PANK4: variants seen among roughly 807,000 people sequenced by gnomAD.
PANK4 encodes pantothenate kinase 4 (inactive).
A neutral mutation model predicts 87.9 loss-of-function variants in PANK4; 40 were observed. The ratio of observed to expected loss-of-function variants is 0.46; its 90% CI spans 0.35 to 0.59. The LOEUF is 0.59. Ranked by LOEUF, PANK4 falls within the 20% of genes least tolerant of loss-of-function variation. PANK4 has a pLI of 0.00. For synonymous variants in PANK4, 524 were observed against 467.4 expected (o/e 1.12, Z -1.56); for missense variants, 926 against 1,072.3 (o/e 0.86, Z 1.90).
chr1:2,522,336 C>T (rs1643882034), intron 1 of PANK4, among the ~76,000 whole-genome samples: 1 of 152,180 alleles, frequency 6.6e-6, no homozygotes. Context: ...TGAGAGGCTC[C>T]AGGCAGAAAA....
At chr1:2,517,501 G>A (rs758663588) in intron 9 of PANK4, among the ~76,000 whole-genome samples, 6 of 152,374 alleles carry the variant, frequency 3.9e-5, no homozygotes, top group African/African-American at 7.2e-5. Context: ...GGGGGGGCAC[G>A]GTCGAGGACC....
Position 2,520,520 on chromosome 1 carries a change from C to CA in PANK4, c.607-107dup. 4 of 1,076,814 alleles carry CA rather than the reference C, an allele frequency of 3.7e-6. No homozygotes were observed. Among genetic ancestry groups the CA allele is most frequent in the Non-Finnish European group, 5.4e-6 (4 of 737,520 alleles). 66.7% of individuals were successfully genotyped at this position (1,076,814 alleles called of 1,614,324 possible). A position where few individuals can be genotyped will look rare whatever the true frequency, so the allele number is the denominator to read the frequency against. Reference sequence around the variant, plus strand: ...GCTGGGGTGAACCCCGCCCCCACCCCAACCGCCAGTGGGAGGACTCTCATG... The same window carrying CA: ...GCTGGGGTGAACCCCGCCCCCACCCCAAACCGCCAGTGGGAGGACTCTCATG... On this transcript the variant is annotated intron_variant, in intron 4 of 18. Coordinates refer to ENST00000378466, the MANE Select transcript of PANK4 (RefSeq NM_018216.4). The surrounding 1 kb of genome is among the most constrained non-coding windows in gnomAD (Gnocchi z 6.2).
rs1643850974 is a variant in PANK4 at position 2,519,663 on chromosome 1, G to A, written c.853+138C>T. ...GAGCTGCAGCGACTCGGCAGGAAGA[G>A]GTTACAGGGCTGACACCCAAGACCC... On this transcript the variant is annotated intron_variant, in intron 6 of 18. Transcript: ENST00000378466. This position sits in a 1 kb window ranked among gnomAD's most constrained non-coding sequence, Gnocchi z 8.3. The A allele has an allele frequency of 2.3e-6, 2 of 859,912 alleles. No homozygotes were observed. The highest frequency in any genetic ancestry group is 3.0e-5 in the Admixed American group (1 of 33,540). The allele number at this position is 859,912 out of a possible 1,614,324, so 53.3% of individuals were successfully genotyped here. A position where few individuals can be genotyped will look rare whatever the true frequency, so the allele number is the denominator to read the frequency against.
chr1:2,518,668 A>C, intron 7 of PANK4, 71 bp from the exon 8 acceptor site: 12 of 1,281,666 alleles, frequency 9.4e-6, no homozygotes, highest in Non-Finnish European at 1.3e-5. Context: ...AACCAGCTCA[A>C]CGTGCGCGGG....
rs1278640415 is a variant in PANK4 at position 2,520,588 on chromosome 1, A to G, written c.606+135T>C. On this transcript the variant is annotated intron_variant, in intron 4 of 18. Coordinates refer to ENST00000378466, the MANE Select transcript of PANK4 (RefSeq NM_018216.4). This position sits in a 1 kb window ranked among gnomAD's most constrained non-coding sequence, Gnocchi z 6.2. ...TGATGCCCCTCCCACAGAGGCTCTG[A>G]GCTCACAGCCTCGCCACCCCCCTCC... 3.9e-6 allele frequency: 4 copies of G among 1,028,128 alleles called. No individual in the cohort carries two copies. Among genetic ancestry groups the G allele is most frequent in the Non-Finnish European group, 4.4e-6 (3 of 686,436 alleles). The allele number at this position is 1,028,128 out of a possible 1,614,324, so 63.7% of individuals were successfully genotyped here. A position where few individuals can be genotyped will look rare whatever the true frequency, so the allele number is the denominator to read the frequency against.
chr1:2,525,534 G>A (rs1570554763), intron 1 of PANK4: 1 of 152,204 alleles, frequency 6.6e-6, no homozygotes, highest in Non-Finnish European at 1.5e-5. Context: ...AGGAGAGCAG[G>A]GAGTGGCTGG....
At chr1:2,514,327 C>A in intron 11 of PANK4, 27 bp downstream of exon 11, 1 of 1,524,036 alleles carries the variant, frequency 6.6e-7, no homozygotes, top group South Asian at 1.1e-5. Context: ...GAAGAGGTGG[C>A]CACACACCGG....
chr1:2,519,854 A>G lies in PANK4; in HGVS notation c.800T>C (p.Leu267Pro). 1 of 1,574,546 alleles carries G rather than the reference A, an allele frequency of 6.4e-7. No homozygotes were observed. Among genetic ancestry groups the G allele is most frequent in the South Asian group, 1.2e-5 (1 of 86,318 alleles). The change falls in exon 6 of 19, where the codon CTG becomes CCG. Residue 267 changes from leucine (L) to proline (P), a missense_variant. Leu to Pro is a moderately conservative substitution (Grantham distance 98, BLOSUM62 -3). Coordinates refer to ENST00000378466, the MANE Select transcript of PANK4 (RefSeq NM_018216.4). The surrounding 1 kb of genome is among the most constrained non-coding windows in gnomAD (Gnocchi z 8.3). ...GCTGCTGGCGATGAGGTTCCCGCTCAGCCCGAGAGTCTGGTGGGCGCCGCC... is the reference window on the plus strand; with the variant it reads ...GCTGCTGGCGATGAGGTTCCCGCTCGGCCCGAGAGTCTGGTGGGCGCCGCC... ...VYGGAHQTLG[L>P]SGNLIASSFG...
At chr1:2,524,475 C>T (rs1056189734) in intron 1 of PANK4, among the ~76,000 whole-genome samples, 2 of 152,208 alleles carry the variant, frequency 1.3e-5, no homozygotes, top group Non-Finnish European at 2.9e-5. Context: ...GAACCAGAGA[C>T]ACAGGACCCA....
At chr1:2,518,398 T>C in intron 8 of PANK4, 118 bp downstream of exon 8, 1 of 1,011,734 alleles carries the variant, frequency 9.9e-7, no homozygotes, top group Non-Finnish European at 1.5e-6. Flanking sequence ...CTGCTGTCAC[T>C]TTCTGAGGAC....
intron 1 of PANK4, among the ~76,000 whole-genome samples, chr1:2,524,481 A>G (rs1419694528): frequency 6.6e-6 from 1 of 152,178 alleles, no homozygotes; most frequent in Non-Finnish European, 1.5e-5. Flanking sequence ...GAGACACAGG[A>G]CCCAGACGCA....
intron 7 of PANK4, 51 bp from the exon 8 acceptor site, chr1:2,518,648 T>C (rs1173070283): frequency 1.4e-6 from 2 of 1,439,156 alleles, no homozygotes; most frequent in African/African-American, 1.4e-5. Context: ...CAACACCCGG[T>C]GCCTCCGCAA....
At chr1:2,511,942 C>T (rs1416547420) in intron 13 of PANK4, among the ~76,000 whole-genome samples, 1 of 152,200 alleles carries the variant, frequency 6.6e-6, no homozygotes, top group Non-Finnish European at 1.5e-5. Flanking sequence ...AACGTGAAGA[C>T]CCCAAATCAC....
chr1:2,514,527 C>A (rs532830201), intron 10 of PANK4, 61 bp from the exon 11 acceptor site: 2 of 786,060 alleles, frequency 2.5e-6, no homozygotes, highest in South Asian at 2.7e-5. Flanking sequence ...CGAATCCCCA[C>A]GTGACAGCAG....
At chr1:2,523,730 C>G (rs932988525) in intron 1 of PANK4, among the ~76,000 whole-genome samples, 1 of 152,212 alleles carries the variant, frequency 6.6e-6, no homozygotes, top group African/African-American at 2.4e-5. Flanking sequence ...GCGAGGGGCA[C>G]GCACAGCAGG....
In PANK4 at chr1:2,515,944, C is replaced by T. The variant is rs947894602; in HGVS notation, c.1219-227G>A. The stretch of plus-strand genomic sequence containing the variant: ...TTGACACTGGGGTTGCGTCTGCTCC[C>T]ACCACACGCCTCCTGCCCCCAGCAC... On this transcript the variant is annotated intron_variant, in intron 9 of 18. Coordinates refer to ENST00000378466, the MANE Select transcript of PANK4 (RefSeq NM_018216.4). The surrounding 1 kb of genome is among the most constrained non-coding windows in gnomAD (Gnocchi z 5.0). 5.1e-6 allele frequency: 3 copies of T among 585,998 alleles called. No individual in the cohort carries two copies. The highest frequency in any genetic ancestry group is 6.1e-5 in the Admixed American group (2 of 32,898). 36.3% of individuals were successfully genotyped at this position (585,998 alleles called of 1,614,324 possible). A position where few individuals can be genotyped will look rare whatever the true frequency, so the allele number is the denominator to read the frequency against.
At position 2,509,796 on chromosome 1, in the gene PANK4, G is replaced by C; in HGVS notation, c.2108+66C>G. 7.3e-7 allele frequency: 1 copy of C among 1,376,582 alleles called. No individual in the cohort carries two copies. The highest frequency in any genetic ancestry group is 1.0e-6 in the Non-Finnish European group (1 of 972,474). 85.3% of individuals were successfully genotyped at this position (1,376,582 alleles called of 1,614,324 possible). On this transcript the variant is annotated intron_variant, in intron 18 of 18. Transcript: ENST00000378466. The surrounding 1 kb of genome is among the most constrained non-coding windows in gnomAD (Gnocchi z 4.9). Reference sequence around the variant, plus strand: ...GTCGGTGTCCCGCATGCACCTGGGTGCAGGTGCACGGCACAGAGGGCACAG... The same window carrying C: ...GTCGGTGTCCCGCATGCACCTGGGTCCAGGTGCACGGCACAGAGGGCACAG...
At chr1:2,525,462 G>A (rs939659358) in intron 1 of PANK4, 1 of 152,150 alleles carries the variant, frequency 6.6e-6, no homozygotes, top group Non-Finnish European at 1.5e-5. Flanking sequence ...GGCTATTCAA[G>A]GGGGGTTTCT....
At chr1:2,514,314 A>T in intron 11 of PANK4, 40 bp downstream of exon 11, 1 of 1,451,490 alleles carries the variant, frequency 6.9e-7, no homozygotes, top group South Asian at 1.1e-5. Context: ...GGCCCTCTGG[A>T]TGGAAGAGGT....
Sources: gnomAD v4.1 joint callset for allele counts (sites outside exome capture counted in the v4.1 genomes callset) on GRCh38, gnomAD v4.1.1 for gene constraint, Gnocchi (gnomAD v3.1) non-coding constraint, MANE v1.5 for transcripts, NCBI Gene and HGNC (gene_info 2026-07-23, HGNC 2026-07-21) for gene names.